The following DAB1 variants were observed in gnomAD, a reference collection of about 807,000 sequenced individuals.
DAB1 encodes disabled homolog 1.
Under a neutral mutation model 64.6 loss-of-function variants are expected in DAB1, and 15 were observed. That is an observed-to-expected ratio of 0.23 (90% CI 0.16 to 0.36). The LOEUF is 0.36. DAB1 is among the 10% of genes least tolerant of loss of function. The pLI is 1.00. For missense variants in DAB1, 596 were observed against 706.7 expected, an observed-to-expected ratio of 0.84 and a Z score of 1.78; for synonymous variants, 235 against 251.9, an observed-to-expected ratio of 0.93 and a Z score of 0.64.
At chr1:57,125,254 C>T (rs1015574523) in intron 4 of DAB1, among the ~76,000 whole-genome samples, 8 of 152,168 alleles carry the variant, frequency 5.3e-5, no homozygotes, top group African/African-American at 1.9e-4. Context: ...GAAGGGACTC[C>T]CGCCCTTGGG....
chr1:57,749,705 G>C (rs75843201), intron 6 of DAB1, among the ~76,000 whole-genome samples: 1 of 152,158 alleles, frequency 6.6e-6, no homozygotes. Flanking sequence ...CATAGGGCAG[G>C]AGATGGAAGA....
intron 7 of DAB1, among the ~76,000 whole-genome samples, chr1:57,444,624 A>C (rs1204869337): frequency 6.6e-6 from 1 of 152,196 alleles, no homozygotes; most frequent in Non-Finnish European, 1.5e-5. Context: ...TCCAATCACA[A>C]GTGTCCTTGA....
At chr1:58,112,579 A>G (rs1433784967) in intron 5 of DAB1, among the ~76,000 whole-genome samples, 3 of 152,208 alleles carry the variant, frequency 2.0e-5, no homozygotes, top group African/African-American at 2.4e-5. Context: ...GAAACTTTCA[A>G]TATGTTTCTA....
intron 3 of DAB1, among the ~76,000 whole-genome samples, chr1:58,389,700 C>T (rs938440431): frequency 2.0e-5 from 3 of 152,160 alleles, no homozygotes; most frequent in Admixed American, 2.0e-4. Context: ...TCAACCTGCA[C>T]AGATTCATTA....
chr1:58,473,859 G>A (rs338231), intron 3 of DAB1: 19,367 of 661,312 alleles, frequency 0.029, 335 homozygotes, highest in Middle Eastern at 0.052. Flanking sequence ...CCTAGCCTGC[G>A]TTTCCTTCAC....
At chr1:57,594,932 G>A (rs1385519339) in intron 7 of DAB1, among the ~76,000 whole-genome samples, 1 of 151,760 alleles carries the variant, frequency 6.6e-6, no homozygotes, top group African/African-American at 2.4e-5. Flanking sequence ...GGATGTTCTC[G>A]ATCTCCTGAC....
chr1:57,065,288 T>TA (rs1182432567), intron 8 of DAB1, among the ~76,000 whole-genome samples: 1 of 152,074 alleles, frequency 6.6e-6, no homozygotes, highest in East Asian at 1.9e-4. Context: ...ATTCTTTCAT[T>TA]AAAAAATAAA....
At chr1:57,606,858 C>A (rs948445133) in intron 7 of DAB1, among the ~76,000 whole-genome samples, 1 of 148,942 alleles carries the variant, frequency 6.7e-6, no homozygotes, top group African/African-American at 2.5e-5. Context: ...GGTACGATCT[C>A]GGCTCACTGC....
At chr1:58,363,076 G>A (rs536828900) in intron 3 of DAB1, among the ~76,000 whole-genome samples, 1 of 152,108 alleles carries the variant, frequency 6.6e-6, no homozygotes, top group Non-Finnish European at 1.5e-5. Flanking sequence ...TAACCCATCA[G>A]ATCAGGGTCC....
chr1:58,225,969 A>C (rs1263025970), intron 4 of DAB1, among the ~76,000 whole-genome samples: 1 of 151,964 alleles, frequency 6.6e-6, no homozygotes, highest in Non-Finnish European at 1.5e-5. Context: ...AAAAAAAAAA[A>C]AAAAAAAACC....
chr1:57,011,835 ATTTGCTCAT>A (rs1646275876), intron 12 of DAB1, among the ~76,000 whole-genome samples: 2 of 152,214 alleles, frequency 1.3e-5, no homozygotes, highest in African/African-American at 4.8e-5. Context: ...AAGTTTGCTA[ATTTGCTCAT>A]GGCAACTGGT....
At chr1:57,713,070 A>G (rs529328906) in intron 6 of DAB1, among the ~76,000 whole-genome samples, 1 of 152,312 alleles carries the variant, frequency 6.6e-6, no homozygotes, top group African/African-American at 2.4e-5. Context: ...ATCATGATAC[A>G]AGCACATGTT....
intron 5 of DAB1, among the ~76,000 whole-genome samples, chr1:57,989,673 A>T (rs1646299614): frequency 6.6e-6 from 1 of 152,202 alleles, no homozygotes; most frequent in Non-Finnish European, 1.5e-5. Context: ...CTAAATGAAC[A>T]TCTGTAGCCC....
At chr1:57,163,671 C>A (rs1660968596) in intron 2 of DAB1, among the ~76,000 whole-genome samples, 1 of 151,848 alleles carries the variant, frequency 6.6e-6, no homozygotes, top group Non-Finnish European at 1.5e-5. Context: ...GGCTAATAAT[C>A]CAGATGAGTG....
At chr1:58,372,506 G>A (rs1327209018) in intron 3 of DAB1, among the ~76,000 whole-genome samples, 1 of 152,136 alleles carries the variant, frequency 6.6e-6, no homozygotes, top group Admixed American at 6.5e-5. Flanking sequence ...CTGAGTTACT[G>A]CTGGAATGAG....
intron 5 of DAB1, among the ~76,000 whole-genome samples, chr1:58,113,322 C>A (rs1251494420): frequency 1.3e-5 from 2 of 152,026 alleles, no homozygotes; most frequent in Non-Finnish European, 2.9e-5. Flanking sequence ...AAGATGGTAC[C>A]AAGGATTCTG....
intron 3 of DAB1, among the ~76,000 whole-genome samples, chr1:58,486,338 T>C (rs753195674): frequency 9.2e-5 from 14 of 152,174 alleles, no homozygotes; most frequent in Non-Finnish European, 1.6e-4. Context: ...TGAGTCAGAA[T>C]TAAAACCGAA....
At chr1:57,795,153 A>G (rs1374923430) in intron 6 of DAB1, among the ~76,000 whole-genome samples, 1 of 152,240 alleles carries the variant, frequency 6.6e-6, no homozygotes, top group African/African-American at 2.4e-5. Flanking sequence ...AATACAGAAT[A>G]CCACTAACCA....
At chr1:58,265,749 T>C (rs1352188591) in intron 4 of DAB1, among the ~76,000 whole-genome samples, 5 of 152,250 alleles carry the variant, frequency 3.3e-5, no homozygotes, top group Admixed American at 3.3e-4. Flanking sequence ...GATCAGAATT[T>C]TTAGGAGCAA....
Sources: allele counts gnomAD v4.1 joint callset (sites outside exome capture counted in the v4.1 genomes callset), GRCh38; gene constraint gnomAD v4.1.1; transcripts MANE v1.5; gene names NCBI Gene and HGNC (gene_info 2026-07-23, HGNC 2026-07-21).